JAZF1: variants seen among roughly 807,000 people sequenced by gnomAD.
JAZF1 encodes the protein JAZF zinc finger 1, also known as juxtaposed with another zinc finger protein 1.
JAZF1 carries 8 observed loss-of-function variants against 26.4 expected under a neutral mutation model. That is an observed-to-expected ratio of 0.30 (90% CI 0.18 to 0.55). The LOEUF (loss-of-function observed/expected upper bound fraction) is 0.55. JAZF1 is among the 20% of genes least tolerant of loss of function. The pLI, the probability that JAZF1 is intolerant of heterozygous loss-of-function variation, is 0.94. For missense variants in JAZF1, 199 were observed against 322.0 expected (o/e 0.62, Z 2.92); for synonymous variants, 126 against 122.3 (o/e 1.03, Z -0.20).
At chr7:28,035,676 C>T in intron 1 of JAZF1, among the ~76,000 whole-genome samples, 1 of 152,046 alleles carries the variant, frequency 6.6e-6, no homozygotes. Context: ...GAAATTATGG[C>T]ATGCATAGAA....
chr7:28,157,278 C>T (rs1031876423), intron 1 of JAZF1, among the ~76,000 whole-genome samples: 6 of 152,230 alleles, frequency 3.9e-5, no homozygotes, highest in African/African-American at 1.2e-4. Context: ...AGCACTGAGT[C>T]AGGACCACAG....
In JAZF1 at chr7:28,043,232, G is replaced by A. The variant is rs551253797; in HGVS notation, c.116-51251C>T. The stretch of plus-strand genomic sequence containing the variant: ...AGCCAATGGCCTTATACAAAAGATG[G>A]CTGCTTGTTAATGGTGGACCACTAG... On this transcript the variant is annotated intron_variant, in intron 1 of 4. Transcript: ENST00000283928. 3.3e-5 allele frequency among the ~76,000 whole-genome samples: 5 copies of A among 152,320 alleles called. No individual in the cohort carries two copies. In the South Asian group the frequency reaches 1.0e-3, roughly 32 times the overall value.
intron 2 of JAZF1, among the ~76,000 whole-genome samples, chr7:27,910,053 T>C (rs1399026695): frequency 1.3e-5 from 2 of 152,226 alleles, no homozygotes; most frequent in Non-Finnish European, 2.9e-5. Context: ...CACTGTTATA[T>C]AGAGTCTATA....
intron 1 of JAZF1, among the ~76,000 whole-genome samples, chr7:28,055,951 T>C (rs1370613520): frequency 1.3e-5 from 2 of 152,192 alleles, no homozygotes; most frequent in Admixed American, 6.5e-5. Context: ...TCCTCTTCCT[T>C]TGAATTCTCA....
chr7:27,835,824 A>T (rs1782796063), intron 4 of JAZF1, among the ~76,000 whole-genome samples: 1 of 151,710 alleles, frequency 6.6e-6, no homozygotes, highest in Admixed American at 6.6e-5. Flanking sequence ...AAATATTAGT[A>T]AAAAAAAATA....
intron 4 of JAZF1, among the ~76,000 whole-genome samples, chr7:27,837,037 T>C (rs1480670122): frequency 2.6e-5 from 4 of 152,190 alleles, no homozygotes; most frequent in South Asian, 2.1e-4. Context: ...TGTTTCTCAG[T>C]GTTTGAAAAT....
chr7:28,110,159 C>T (rs1190940066), intron 1 of JAZF1, among the ~76,000 whole-genome samples: 1 of 152,134 alleles, frequency 6.6e-6, no homozygotes, highest in African/African-American at 2.4e-5. Flanking sequence ...GGCATGGTGG[C>T]TCACACCTGT....
At chr7:28,020,587 TACA>T (rs780971203) in intron 1 of JAZF1, 35 of 471,130 alleles carry the variant, frequency 7.4e-5, no homozygotes, top group Non-Finnish European at 1.1e-4. Flanking sequence ...TGCATATTCG[TACA>T]ACAACCATGT....
chr7:28,020,738 T>C (rs1443578216), intron 1 of JAZF1: 1 of 470,582 alleles, frequency 2.1e-6, no homozygotes, highest in Admixed American at 2.3e-5. Context: ...GCATCCATGC[T>C]AGTGGCTGAA....
intron 4 of JAZF1, among the ~76,000 whole-genome samples, chr7:27,834,248 C>T (rs1404841042): frequency 6.6e-6 from 1 of 152,212 alleles, no homozygotes; most frequent in African/African-American, 2.4e-5. Flanking sequence ...GTTACAACAG[C>T]ACTTCCCAAG....
At chr7:27,908,188 T>C (rs1439838016) in intron 2 of JAZF1, among the ~76,000 whole-genome samples, 1 of 152,236 alleles carries the variant, frequency 6.6e-6, no homozygotes, top group Non-Finnish European at 1.5e-5. Flanking sequence ...GAAATGTAAT[T>C]ATGTATGGGC....
intron 1 of JAZF1, among the ~76,000 whole-genome samples, chr7:28,164,988 G>A (rs1270831468): frequency 6.6e-6 from 1 of 152,084 alleles, no homozygotes; most frequent in Non-Finnish European, 1.5e-5. Context: ...GGGCAACACA[G>A]GGAGACCCCA....
In JAZF1 at chr7:27,849,752, G is replaced by GACACACACACACACACACACACACACAC. The variant is rs72394231; in HGVS notation, c.386-8886_386-8885insGTGTGTGTGTGTGTGTGTGTGTGTGTGT. ...ATCAATATTGGAACCCTTACACACA[G>GACACACACACACACACACACACACACAC]ACACACACACACACACACACACCCC... On this transcript the variant is annotated intron_variant, in intron 3 of 4. Transcript: ENST00000283928. Among the ~76,000 whole-genome samples the GACACACACACACACACACACACACACAC allele has an allele frequency of 1.7e-3, 184 of 108,458 alleles. 1 individual carries two copies. Among genetic ancestry groups the GACACACACACACACACACACACACACAC allele is most frequent in the African/African-American group, 7.1e-3 (166 of 23,512 alleles). The allele number at this position is 108,458 out of a possible 152,430, so 71.2% of individuals were successfully genotyped here.
chr7:27,846,323 G>GTA (rs1284145494), intron 3 of JAZF1, among the ~76,000 whole-genome samples: 1 of 149,078 alleles, frequency 6.7e-6, no homozygotes, highest in Non-Finnish European at 1.5e-5. Flanking sequence ...GTGTGTGTGT[G>GTA]TATACATATG....
At chr7:27,949,754 C>T (rs1440732817) in intron 2 of JAZF1, among the ~76,000 whole-genome samples, 1 of 152,202 alleles carries the variant, frequency 6.6e-6, no homozygotes, top group Non-Finnish European at 1.5e-5. Context: ...CGGAGCAAGA[C>T]TAGCAAGACT....
chr7:27,855,707 TGA>T (rs1562766999), intron 3 of JAZF1, among the ~76,000 whole-genome samples: 1 of 152,084 alleles, frequency 6.6e-6, no homozygotes, highest in Non-Finnish European at 1.5e-5. Flanking sequence ...GTTCTGAAAT[TGA>T]GAGAGTAATT....
intron 2 of JAZF1, among the ~76,000 whole-genome samples, chr7:27,941,892 G>T (rs1470513576): frequency 1.3e-5 from 2 of 152,208 alleles, no homozygotes; most frequent in Non-Finnish European, 2.9e-5. Context: ...GGAAAGTGGG[G>T]TAAGGGGGAG....
chr7:28,015,888 TC>T (rs550432658), intron 1 of JAZF1, among the ~76,000 whole-genome samples: 1 of 151,788 alleles, frequency 6.6e-6, no homozygotes, highest in South Asian at 2.1e-4. Context: ...ATGCTCTAGG[TC>T]CCCCCTGCTC....
At chr7:27,855,970 T>C (rs1309465023) in intron 3 of JAZF1, among the ~76,000 whole-genome samples, 1 of 152,188 alleles carries the variant, frequency 6.6e-6, no homozygotes, top group East Asian at 1.9e-4. Flanking sequence ...CTCAATAAAA[T>C]ACTGGCAAAC....
Sources: gnomAD v4.1 joint callset for allele counts (sites outside exome capture counted in the v4.1 genomes callset) on GRCh38, gnomAD v4.1.1 for gene constraint, MANE v1.5 for transcripts, NCBI Gene and HGNC (gene_info 2026-07-23, HGNC 2026-07-21) for gene names.